The following FHIT variants were observed in gnomAD, a reference collection of about 807,000 sequenced individuals.
FHIT encodes fragile histidine triad diadenosine triphosphatase, also known as bis(5'-adenosyl)-triphosphatase.
FHIT carries 19 observed loss-of-function variants against 17.9 expected under a neutral mutation model. That is an observed-to-expected ratio of 1.06 (90% CI 0.74 to 1.56). The LOEUF (loss-of-function observed/expected upper bound fraction) is 1.56, where lower values mean the gene tolerates loss of function less well. Among genes scored for constraint, FHIT ranks in the 40% most tolerant of loss-of-function variants. The probability of loss-of-function intolerance (pLI) is 0.00; values close to 1 mark genes in which losing one functional copy is unlikely to be tolerated. For missense variants in FHIT, 248 were observed against 189.2 expected (o/e 1.31, Z -1.82); for synonymous variants, 81 against 69.7 (o/e 1.16, Z -0.81).
intron 4 of FHIT, among the ~76,000 whole-genome samples, chr3:60,545,553 A>T (rs2036332371): frequency 6.6e-6 from 1 of 152,102 alleles, no homozygotes; most frequent in Admixed American, 6.6e-5. Flanking sequence ...CTGTGCTTTT[A>T]TTATCACTCC....
At chr3:59,940,114 T>C (rs1314599752) in intron 7 of FHIT, among the ~76,000 whole-genome samples, 5 of 152,180 alleles carry the variant, frequency 3.3e-5, no homozygotes, top group Non-Finnish European at 7.4e-5. Context: ...TTCAGATTTC[T>C]TGTTTGTAAA....
At chr3:61,192,773 T>C (rs1443289532) in intron 2 of FHIT, among the ~76,000 whole-genome samples, 1 of 127,822 alleles carries the variant, frequency 7.8e-6, no homozygotes, top group Non-Finnish European at 1.7e-5. Context: ...GTGAATTCTC[T>C]CTACAAAAAA....
At chr3:60,870,380 T>A (rs1575622532) in intron 3 of FHIT, among the ~76,000 whole-genome samples, 1 of 152,074 alleles carries the variant, frequency 6.6e-6, no homozygotes, top group East Asian at 1.9e-4. Context: ...TACAAAGAGA[T>A]GTTGGCAGTG....
At chr3:60,054,217 A>C (rs1465823359) in intron 5 of FHIT, among the ~76,000 whole-genome samples, 1 of 152,226 alleles carries the variant, frequency 6.6e-6, no homozygotes, top group African/African-American at 2.4e-5. Context: ...ATAAGTTTGC[A>C]AACAATTACT....
chr3:61,076,977 C>G (rs2034990912), intron 2 of FHIT, among the ~76,000 whole-genome samples: 1 of 152,112 alleles, frequency 6.6e-6, no homozygotes, highest in Non-Finnish European at 1.5e-5. Context: ...GTCAAGGAGA[C>G]AGGTGTGTAA....
At chr3:60,861,199 T>TC (rs374583208) in intron 3 of FHIT, among the ~76,000 whole-genome samples, 1 of 1,224 alleles carries the variant, frequency 8.2e-4, no homozygotes, top group African/African-American at 2.5e-3. Flanking sequence ...ATATATCATA[T>TC]ATGATATATA....
At chr3:60,091,548 A>C (rs146497157) in intron 5 of FHIT, among the ~76,000 whole-genome samples, 1,858 of 152,184 alleles carry the variant, frequency 0.012, 15 homozygotes, top group Non-Finnish European at 0.019. Context: ...TGGTGGGTTT[A>C]CTGTATGATA....
intron 8 of FHIT, among the ~76,000 whole-genome samples, chr3:59,778,947 G>A (rs767522269): frequency 1.4e-4 from 22 of 152,142 alleles, no homozygotes; most frequent in Non-Finnish European, 3.1e-4. Flanking sequence ...ACATGGATTT[G>A]AATATACTTA....
rs78296274 is a variant in FHIT at position 60,278,597 on chromosome 3, G to A, written c.103+258263C>T. Among the ~76,000 whole-genome samples, 730 of 152,180 alleles carry A rather than the reference G, an allele frequency of 4.8e-3. 58 individuals carry two copies. The East Asian group carries it at 0.12, about 26-fold the overall frequency. On this transcript the variant is annotated intron_variant, in intron 5 of 9. Coordinates refer to ENST00000492590, the MANE Select transcript of FHIT (RefSeq NM_002012.4). ...GACTCTATTGAATAAGGAGCTCTTA[G>A]GAAAGCCCAAAGACAACAGGGAAGA...
At chr3:60,027,136 C>A (rs868139800) in intron 5 of FHIT, among the ~76,000 whole-genome samples, 8,818 of 117,930 alleles carry the variant, frequency 0.075, 476 homozygotes, top group African/African-American at 0.1. Flanking sequence ...CACACACACA[C>A]ACACACACAC....
At chr3:60,392,623 A>G (rs1398098553) in intron 5 of FHIT, among the ~76,000 whole-genome samples, 1 of 152,212 alleles carries the variant, frequency 6.6e-6, no homozygotes, top group Non-Finnish European at 1.5e-5. Flanking sequence ...TTGCACACAG[A>G]TCAGCTGCAG....
At chr3:61,008,384 G>A (rs1238431526) in intron 3 of FHIT, among the ~76,000 whole-genome samples, 2 of 152,196 alleles carry the variant, frequency 1.3e-5, no homozygotes, top group African/African-American at 4.8e-5. Context: ...GAAGGCTGCA[G>A]TTGGCAAGGG....
intron 3 of FHIT, among the ~76,000 whole-genome samples, chr3:60,908,299 A>G (rs781972014): frequency 9.9e-5 from 15 of 152,208 alleles, no homozygotes; most frequent in Non-Finnish European, 2.2e-4. Flanking sequence ...AATATAAAGA[A>G]AGTCTGAAGA....
intron 4 of FHIT, among the ~76,000 whole-genome samples, chr3:60,818,994 C>T (rs914175245): frequency 2.0e-5 from 3 of 149,796 alleles, no homozygotes; most frequent in Non-Finnish European, 3.0e-5. Context: ...TTTTTATTCT[C>T]TAATGCTTCC....
At chr3:60,561,944 GAA>G (rs888775781) in intron 4 of FHIT, among the ~76,000 whole-genome samples, 2 of 141,542 alleles carry the variant, frequency 1.4e-5, no homozygotes, top group African/African-American at 5.1e-5. Context: ...GAGAAAGAGA[GAA>G]ACAGAGAGAG....
chr3:60,169,063 A>G (rs1483410485), intron 5 of FHIT, among the ~76,000 whole-genome samples: 1 of 152,192 alleles, frequency 6.6e-6, no homozygotes, highest in African/African-American at 2.4e-5. Context: ...TAGATTGTCA[A>G]AGGATTCTCT....
intron 5 of FHIT, among the ~76,000 whole-genome samples, chr3:60,078,258 C>T (rs775189120): frequency 1.1e-4 from 17 of 152,024 alleles, no homozygotes; most frequent in Non-Finnish European, 1.2e-4. Context: ...CTGGTAGACA[C>T]CACACCAACC....
intron 4 of FHIT, among the ~76,000 whole-genome samples, chr3:60,573,112 T>C (rs1435525678): frequency 6.6e-6 from 1 of 152,198 alleles, no homozygotes. Flanking sequence ...CCAGAACTGC[T>C]TGGCTTTTTG....
chr3:60,596,695 A>G (rs111632576), intron 4 of FHIT, among the ~76,000 whole-genome samples: 1 of 152,036 alleles, frequency 6.6e-6, no homozygotes, highest in Non-Finnish European at 1.5e-5. Context: ...ATCCACCTTT[A>G]TATCTCCAAG....
Sources: allele counts gnomAD v4.1 joint callset (sites outside exome capture counted in the v4.1 genomes callset), GRCh38; gene constraint gnomAD v4.1.1; transcripts MANE v1.5; gene names NCBI Gene and HGNC (gene_info 2026-07-23, HGNC 2026-07-21).